LARS2: variants seen among roughly 807,000 people sequenced by gnomAD.
LARS2 encodes leucine--tRNA ligase, mitochondrial.
Under a neutral mutation model 116.6 loss-of-function variants are expected in LARS2, and 81 were observed. That is an observed-to-expected ratio of 0.69 (90% confidence interval 0.58 to 0.84). The LOEUF (loss-of-function observed/expected upper bound fraction) is 0.84. LARS2 is among the 40% of genes least tolerant of loss of function. LARS2 has a pLI of 0.00. For missense variants in LARS2, 968 were observed against 1,114.5 expected, an observed-to-expected ratio of 0.87 and a Z score of 1.87; for synonymous variants, 396 against 407.2, an observed-to-expected ratio of 0.97 and a Z score of 0.33.
chr3:45,426,015 C>T (rs1698590044), intron 6 of LARS2, among the ~76,000 whole-genome samples: 1 of 150,974 alleles, frequency 6.6e-6, no homozygotes, highest in South Asian at 2.1e-4. Context: ...AGGAGCAGTG[C>T]TCTCTTTCCA....
At chr3:45,519,805 A>G in intron 18 of LARS2, 1 of 169,120 alleles carries the variant, frequency 5.9e-6, no homozygotes, top group Non-Finnish European at 1.3e-5. Context: ...GCGCCACCAC[A>G]CCCGGCTAAT....
At chr3:45,401,448 A>C (rs1229511157) in intron 4 of LARS2, among the ~76,000 whole-genome samples, 1 of 151,774 alleles carries the variant, frequency 6.6e-6, no homozygotes. Context: ...GGCTGCAGTG[A>C]GTTGTAATTG....
In LARS2 at chr3:45,535,781, T is replaced by C. The variant is rs1369958937; in HGVS notation, c.2405-6048T>C. Among the ~76,000 whole-genome samples the C allele has an allele frequency of 1.8e-4, 27 of 147,814 alleles. No individual in the cohort carries two copies. In the South Asian group the frequency reaches 2.0e-3, roughly 11 times the overall value. ...ACACACACACACCCCCACACCCACA[T>C]ACACACACATTAGTTATTAAACTGA... On this transcript the variant is annotated intron_variant, in intron 20 of 21. Coordinates refer to ENST00000645846, the MANE Select transcript of LARS2 (RefSeq NM_015340.4).
intron 20 of LARS2, among the ~76,000 whole-genome samples, chr3:45,528,132 T>C (rs1700559153): frequency 6.6e-6 from 1 of 151,636 alleles, no homozygotes; most frequent in Admixed American, 6.6e-5. Context: ...AGCCCAAGAG[T>C]TCAAGACCAG....
chr3:45,470,105 A>G (rs914779421), intron 8 of LARS2, among the ~76,000 whole-genome samples: 1 of 151,932 alleles, frequency 6.6e-6, no homozygotes, highest in Admixed American at 6.6e-5. Context: ...GTTTGCTTGC[A>G]CTTTTTTTTA....
At chr3:45,409,456 T>C (rs965200895) in intron 4 of LARS2, among the ~76,000 whole-genome samples, 1 of 152,158 alleles carries the variant, frequency 6.6e-6, no homozygotes, top group Non-Finnish European at 1.5e-5. Flanking sequence ...GCATGAGACA[T>C]GTACAAGGCT....
At chr3:45,438,864 G>A (rs1379344010) in intron 6 of LARS2, among the ~76,000 whole-genome samples, 6 of 151,786 alleles carry the variant, frequency 4.0e-5, no homozygotes, top group South Asian at 4.2e-4. Flanking sequence ...AAGAAAAAAC[G>A]ATGAGAGGAT....
At chr3:45,501,805 G>GTGGA (rs1241638750) in intron 15 of LARS2, among the ~76,000 whole-genome samples, 2 of 149,642 alleles carry the variant, frequency 1.3e-5, no homozygotes, top group Admixed American at 6.7e-5. Flanking sequence ...TAGAAATGAG[G>GTGGA]GATCCGATCA....
At chr3:45,414,150 C>A (rs913697889) in intron 4 of LARS2, among the ~76,000 whole-genome samples, 1 of 152,102 alleles carries the variant, frequency 6.6e-6, no homozygotes, top group African/African-American at 2.4e-5. Flanking sequence ...TTCATCCTGG[C>A]CTTTTTTATA....
At position 45,446,026 on chromosome 3, in the gene LARS2, A is replaced by G. The variant is rs555507456; in HGVS notation, c.517-865A>G. ...GAGTTCGAGACTACAGTGAGGCACA[A>G]TCACACCACTGCACTTCAACCTTGG... On this transcript the variant is annotated intron_variant, in intron 6 of 21. Transcript: ENST00000645846. Among the ~76,000 whole-genome samples the G allele has an allele frequency of 3.3e-5, 5 of 152,326 alleles. No individual in the cohort carries two copies. In the East Asian group the frequency reaches 5.8e-4, roughly 18 times the overall value.
At chr3:45,542,485 C>G (rs1207150867) in intron 21 of LARS2, among the ~76,000 whole-genome samples, 1 of 152,080 alleles carries the variant, frequency 6.6e-6, no homozygotes, top group Non-Finnish European at 1.5e-5. Context: ...ATAGTTTATC[C>G]TATATGTGAT....
At chr3:45,488,537 G>A (rs756023896) in intron 11 of LARS2, among the ~76,000 whole-genome samples, 160 bp from the exon 12 acceptor site, 6 of 152,250 alleles carry the variant, frequency 3.9e-5, no homozygotes, top group Non-Finnish European at 8.8e-5. Flanking sequence ...CTCCAAGACC[G>A]TGTTCCATTT....
rs148724484 is a variant in LARS2, at chr3:45,536,896, T to C, written c.2405-4933T>C. ...GAGATGTTAACATCCTATACAAACATTTTTTGCTCTTACTGTTCTTTAGAG... is the reference window on the plus strand; with the variant it reads ...GAGATGTTAACATCCTATACAAACACTTTTTGCTCTTACTGTTCTTTAGAG... On this transcript the variant is annotated intron_variant, in intron 20 of 21. Transcript: ENST00000645846. Among the ~76,000 whole-genome samples the C allele has an allele frequency of 2.9e-3, 435 of 152,270 alleles. 3 individuals carry two copies. The highest frequency in any genetic ancestry group is 9.9e-3 in the African/African-American group (410 of 41,542).
chr3:45,452,958 AGTT>A (rs1699157505), intron 7 of LARS2, among the ~76,000 whole-genome samples: 1 of 152,134 alleles, frequency 6.6e-6, no homozygotes. Context: ...GTTGATGTAT[AGTT>A]GTTCATAATA....
In LARS2 at chr3:45,455,124, CT is replaced by C. The variant is rs370123180; in HGVS notation, c.607-3604del. ...GGGGATAAATTGCCTTTGTGTTTTG[CT>C]TTTTTTTTTTTTTTGTCTTTCATTC... On this transcript the variant is annotated intron_variant, in intron 7 of 21. Transcript: ENST00000645846. Among the ~76,000 whole-genome samples the C allele has an allele frequency of 5.2e-3, 674 of 128,980 alleles. 5 individuals are homozygous for C. Among genetic ancestry groups the C allele is most frequent in the African/African-American group, 0.012 (418 of 35,418 alleles). 84.6% of individuals were successfully genotyped at this position (128,980 alleles called of 152,430 possible). A position where few individuals can be genotyped will look rare whatever the true frequency, so the allele number is the denominator to read the frequency against.
At chr3:45,540,237 T>A (rs1484828726) in intron 20 of LARS2, among the ~76,000 whole-genome samples, 7 of 152,156 alleles carry the variant, frequency 4.6e-5, no homozygotes, top group Non-Finnish European at 7.4e-5. Flanking sequence ...CCAGCCTGGA[T>A]GACAGAGTGA....
rs11350117 is a variant in LARS2, at chr3:45,528,873, CTT to C, written c.2404+4777_2404+4778del. Among the ~76,000 whole-genome samples the C allele has an allele frequency of 8.0e-3, 1,134 of 142,214 alleles. 11 individuals carry two copies. The highest frequency in any genetic ancestry group is 0.023 in the African/African-American group (872 of 38,720). The allele number at this position is 142,214 out of a possible 152,430, so 93.3% of individuals were successfully genotyped here. ...GCCATTAAATACTTTTCTACAACATCTTTTTTTTTTTTTGGAGATGGAGTCTC... is the reference window on the plus strand; with the variant it reads ...GCCATTAAATACTTTTCTACAACATCTTTTTTTTTTTGGAGATGGAGTCTC... On this transcript the variant is annotated intron_variant, in intron 20 of 21. Coordinates refer to ENST00000645846, the MANE Select transcript of LARS2 (RefSeq NM_015340.4).
intron 15 of LARS2, 91 bp downstream of exon 15, chr3:45,500,670 T>C: frequency 2.1e-6 from 2 of 936,898 alleles, no homozygotes; most frequent in East Asian, 2.7e-5. Context: ...GGTAAATGCA[T>C]GTAGTAGAAT....
At chr3:45,527,673 G>C (rs1377052862) in intron 20 of LARS2, among the ~76,000 whole-genome samples, 1 of 152,160 alleles carries the variant, frequency 6.6e-6, no homozygotes, top group Non-Finnish European at 1.5e-5. Context: ...CCTGAGCAAG[G>C]ATAAAGTTGT....
Sources: gnomAD v4.1 joint callset for allele counts (sites outside exome capture counted in the v4.1 genomes callset) on GRCh38, gnomAD v4.1.1 for gene constraint, MANE v1.5 for transcripts, NCBI Gene and HGNC (gene_info 2026-07-23, HGNC 2026-07-21) for gene names.